Variants in RNF150 observed in about 807,000 individuals in gnomAD.
RNF150 encodes ring finger protein 150.
RNF150 carries 24 observed loss-of-function variants against 39.3 expected under a neutral mutation model. The ratio of observed to expected loss-of-function variants is 0.61; its 90% CI spans 0.44 to 0.86. RNF150 has a LOEUF of 0.86. Ranked by LOEUF, RNF150 falls within the 40% of genes least tolerant of loss-of-function variation. The pLI, the probability that RNF150 is intolerant of heterozygous loss-of-function variation, is 0.00. For synonymous variants in RNF150, 255 were observed against 227.3 expected (o/e 1.12, Z -1.10); for missense variants, 502 against 587.8 (o/e 0.85, Z 1.51).
intron 1 of RNF150, among the ~76,000 whole-genome samples, chr4:141,117,260 C>T (rs763322256): frequency 2.9e-4 from 44 of 152,092 alleles, no homozygotes; most frequent in Non-Finnish European, 6.0e-4. Flanking sequence ...GTTTCTTGTG[C>T]AACACAAAGA....
intron 6 of RNF150, among the ~76,000 whole-genome samples, chr4:140,897,228 C>T (rs1729995641): frequency 1.3e-5 from 2 of 152,150 alleles, no homozygotes; most frequent in Admixed American, 1.3e-4. Context: ...CCCCTGCATA[C>T]AATTAATATG....
chr4:141,098,051 A>T (rs1738866497), intron 1 of RNF150, among the ~76,000 whole-genome samples: 1 of 152,182 alleles, frequency 6.6e-6, no homozygotes, highest in Admixed American at 6.5e-5. Flanking sequence ...TATGTCACAC[A>T]GCTAGAAATA....
chr4:140,981,558 A>T (rs1399694903), intron 1 of RNF150, among the ~76,000 whole-genome samples: 1 of 152,170 alleles, frequency 6.6e-6, no homozygotes, highest in East Asian at 1.9e-4. Context: ...TTATTCACAC[A>T]TAGGTACTTC....
intron 1 of RNF150, among the ~76,000 whole-genome samples, chr4:141,021,746 GA>G (rs1233518807): frequency 7.9e-5 from 12 of 152,148 alleles, no homozygotes; most frequent in African/African-American, 1.7e-4. Context: ...ACAGGCCCTT[GA>G]GGAAACAGAT....
chr4:140,982,023 T>A (rs1733876668), intron 1 of RNF150, among the ~76,000 whole-genome samples: 1 of 152,192 alleles, frequency 6.6e-6, no homozygotes, highest in Non-Finnish European at 1.5e-5. Flanking sequence ...ATAGGCACTT[T>A]TTCTGTAGTG....
At chr4:141,188,998 C>T (rs1020858181) in intron 1 of RNF150, among the ~76,000 whole-genome samples, 8 of 152,224 alleles carry the variant, frequency 5.3e-5, no homozygotes, top group African/African-American at 1.9e-4. Context: ...TGTGCTGGTT[C>T]TTCCTCATCT....
intron 1 of RNF150, among the ~76,000 whole-genome samples, chr4:141,074,842 A>C (rs79303284): frequency 0.013 from 1,958 of 152,318 alleles, 55 homozygotes; most frequent in African/African-American, 0.045. Context: ...CCAAGACTCT[A>C]GCCATTAGGT....
At position 140,937,926 on chromosome 4, in the gene RNF150, C is replaced by T. The variant is rs188478781; in HGVS notation, c.890+9728G>A. On this transcript the variant is annotated intron_variant, in intron 4 of 6. Coordinates refer to ENST00000515673, the MANE Select transcript of RNF150 (RefSeq NM_020724.2). ...TGAAAATCTGCTAATTTCTGTCGCT[C>T]TTTTCAAAAAAAAGGAACTTGGAAA... Among the ~76,000 whole-genome samples the T allele has an allele frequency of 3.1e-3, 466 of 152,056 alleles. 3 individuals are homozygous for T. The highest frequency in any genetic ancestry group is 4.9e-3 in the Non-Finnish European group (335 of 67,964).
At chr4:141,116,226 T>A (rs187651116) in intron 1 of RNF150, among the ~76,000 whole-genome samples, 302 of 151,942 alleles carry the variant, frequency 2.0e-3, no homozygotes, top group Non-Finnish European at 2.9e-3. Context: ...TGGGAGAAAA[T>A]TTTTGCAATC....
chr4:141,119,321 G>A (rs1726537376), intron 1 of RNF150, among the ~76,000 whole-genome samples: 2 of 152,154 alleles, frequency 1.3e-5, no homozygotes, highest in Non-Finnish European at 2.9e-5. Context: ...GAATGAAGCA[G>A]TCCATATACA....
Position 141,132,815 on chromosome 4 carries a change from C to T in RNF150, c.-7G>A. 1 of 1,608,042 alleles carries T rather than the reference C, an allele frequency of 6.2e-7. No individual in the cohort carries two copies. The highest frequency in any genetic ancestry group is 1.7e-4 in the Middle Eastern group (1 of 6,010). On this transcript the variant is annotated 5_prime_UTR_variant, in exon 1 of 7. Transcript: ENST00000515673. The surrounding 1 kb of genome is among the most constrained non-coding windows in gnomAD (Gnocchi z 4.9). ...GGATGAGAGACATTGCCATCTTTAT[C>T]CGCCGGGGCCCCCTCCCCGCCCCCG...
chr4:140,890,050 A>G (rs1311849997), intron 6 of RNF150, among the ~76,000 whole-genome samples: 1 of 152,198 alleles, frequency 6.6e-6, no homozygotes, highest in East Asian at 1.9e-4. Flanking sequence ...TCTCACCACT[A>G]GTTTCATATC....
chr4:140,944,248 T>C (rs1732198379), intron 4 of RNF150, among the ~76,000 whole-genome samples: 1 of 152,148 alleles, frequency 6.6e-6, no homozygotes, highest in Admixed American at 6.5e-5. Context: ...AAATATAGTG[T>C]AATGCATATT....
At chr4:140,919,037 A>C (rs1404522177) in intron 5 of RNF150, among the ~76,000 whole-genome samples, 1 of 151,872 alleles carries the variant, frequency 6.6e-6, no homozygotes, top group Non-Finnish European at 1.5e-5. Context: ...GACGTATCTC[A>C]AAATAATAAG....
At chr4:140,957,019 C>A (rs1309228673) in intron 2 of RNF150, among the ~76,000 whole-genome samples, 62 of 149,258 alleles carry the variant, frequency 4.2e-4, no homozygotes, top group African/African-American at 1.3e-3. Flanking sequence ...TCTAAAACAC[C>A]AAAAGCAATG....
rs1219238276 is a variant in RNF150, at chr4:141,000,086, G to GAA, written c.485-32214_485-32213insTT. 6.1e-4 allele frequency among the ~76,000 whole-genome samples: 37 copies of GAA among 60,704 alleles called. 4 individuals carry two copies. Among genetic ancestry groups the GAA allele is most frequent in the East Asian group, 1.2e-3 (2 of 1,650 alleles). The allele number at this position is 60,704 out of a possible 152,430, so 39.8% of individuals were successfully genotyped here. ...AGAAGAAGAAGAAGAAGAAGAAGAA[G>GAA]GAGAAGAAGAAGAAGAAGAAGAGGA... is the stretch of plus-strand genomic sequence containing the variant. On this transcript the variant is annotated intron_variant, in intron 1 of 6. Transcript: ENST00000515673.
At chr4:141,034,986 T>C (rs557243607) in intron 1 of RNF150, among the ~76,000 whole-genome samples, 9 of 152,322 alleles carry the variant, frequency 5.9e-5, no homozygotes, top group Admixed American at 5.9e-4. Flanking sequence ...ACAGACATGC[T>C]TGATGTAAGG....
At chr4:141,037,976 G>T (rs1169190611) in intron 1 of RNF150, among the ~76,000 whole-genome samples, 1 of 152,100 alleles carries the variant, frequency 6.6e-6, no homozygotes, top group African/African-American at 2.4e-5. Context: ...ATATATGATT[G>T]TTTATTCACT....
In RNF150 at chr4:140,863,558, TGAA is replaced by T. The variant is rs1441956550; in HGVS notation, c.*4700_*4702del. ...ATAGAACCTCCAGTTTTTTGTGTTC[TGAA>T]GGTTATTTCAGAGTTTCTTGCAAGA... On this transcript the variant is annotated 3_prime_UTR_variant, in exon 7 of 7. Coordinates refer to ENST00000515673, the MANE Select transcript of RNF150 (RefSeq NM_020724.2). 1 of 152,166 alleles carries T rather than the reference TGAA, an allele frequency of 6.6e-6. No homozygotes were observed. The highest frequency in any genetic ancestry group is 1.5e-5 in the Non-Finnish European group (1 of 68,042). 9.4% of individuals were successfully genotyped at this position (152,166 alleles called of 1,614,324 possible).
Sources: gnomAD v4.1 joint callset for allele counts (sites outside exome capture counted in the v4.1 genomes callset) on GRCh38, gnomAD v4.1.1 for gene constraint, Gnocchi (gnomAD v3.1) non-coding constraint, MANE v1.5 for transcripts, NCBI Gene and HGNC (gene_info 2026-07-23, HGNC 2026-07-21) for gene names.